Variants in PSTPIP1 observed in about 807,000 individuals in gnomAD.
PSTPIP1 encodes the protein proline-serine-threonine phosphatase-interacting protein 1.
In PSTPIP1, 66 loss-of-function variants were observed where a neutral mutation model predicts 69.6. That is an observed-to-expected ratio of 0.95 (90% confidence interval 0.78 to 1.16). The LOEUF (loss-of-function observed/expected upper bound fraction) is 1.16. Among genes scored for constraint, PSTPIP1 ranks in the 50% most tolerant of loss-of-function variants. The pLI, the probability that PSTPIP1 is intolerant of heterozygous loss-of-function variation, is 0.00. For synonymous variants in PSTPIP1, 266 were observed against 222.7 expected (o/e 1.19, Z -1.73); for missense variants, 603 against 557.4 (o/e 1.08, Z -0.82).
At chr15:77,020,629 G>A (rs986466317) in intron 3 of PSTPIP1, among the ~76,000 whole-genome samples, 2 of 152,158 alleles carry the variant, frequency 1.3e-5, no homozygotes, top group Non-Finnish European at 2.9e-5. Context: ...AAAGGGCTTT[G>A]CCATTCCTTA....
chr15:77,012,112 GCCATCCATCCAT>G (rs566088503), intron 1 of PSTPIP1, among the ~76,000 whole-genome samples: 93 of 88,550 alleles, frequency 1.1e-3, no homozygotes, highest in African/African-American at 2.6e-3. Context: ...GAGGGCTCTG[GCCATCCATCCAT>G]CCATCCATCC....
chr15:77,006,014 C>T (rs558493092), intron 1 of PSTPIP1, among the ~76,000 whole-genome samples: 39 of 152,294 alleles, frequency 2.6e-4, no homozygotes, highest in African/African-American at 9.1e-4. Flanking sequence ...AGTGGAATTG[C>T]TGGATCATAT....
intron 12 of PSTPIP1, among the ~76,000 whole-genome samples, chr15:77,033,545 G>C (rs923020072): frequency 5.3e-5 from 8 of 152,156 alleles, no homozygotes; most frequent in African/African-American, 1.9e-4. Context: ...GGGAGCCCTC[G>C]TAGCCAGGCC....
intron 8 of PSTPIP1, 110 bp downstream of exon 8, chr15:77,029,684 T>G: frequency 7.9e-7 from 1 of 1,261,604 alleles, no homozygotes; most frequent in Non-Finnish European, 1.1e-6. Context: ...TGCACAATCA[T>G]GGGCGCGGCG....
intron 7 of PSTPIP1, 37 bp from the exon 8 acceptor site, chr15:77,029,492 G>A (rs1425421135): frequency 1.3e-6 from 2 of 1,558,214 alleles, no homozygotes; most frequent in Non-Finnish European, 1.7e-6. Flanking sequence ...GGCTCCTGGG[G>A]CAGGGGCTTA....
intron 3 of PSTPIP1, chr15:77,024,117 C>A (rs1444556222): frequency 1.3e-5 from 2 of 152,274 alleles, no homozygotes; most frequent in African/African-American, 4.8e-5. Context: ...GCAGTTCTGA[C>A]GTCTGGATGG....
At chr15:77,004,159 A>T (rs2075769618) in intron 1 of PSTPIP1, among the ~76,000 whole-genome samples, 1 of 152,216 alleles carries the variant, frequency 6.6e-6, no homozygotes, top group Non-Finnish European at 1.5e-5. Flanking sequence ...GGCCTGGGGG[A>T]TGCCACACAG....
chr15:77,034,327 CGT>C (rs1334600232), intron 12 of PSTPIP1, among the ~76,000 whole-genome samples: 4 of 152,158 alleles, frequency 2.6e-5, no homozygotes, highest in African/African-American at 9.7e-5. Flanking sequence ...GGAGCTGGCA[CGT>C]GTGTCTGCCC....
At chr15:77,028,061 C>A in intron 6 of PSTPIP1, 147 bp downstream of exon 6, 1 of 775,084 alleles carries the variant, frequency 1.3e-6, no homozygotes, top group Non-Finnish European at 2.1e-6. Flanking sequence ...GGCGCACCAG[C>A]CTGCGGGGCG....
intron 1 of PSTPIP1, among the ~76,000 whole-genome samples, chr15:77,008,632 A>G (rs2075869246): frequency 6.6e-6 from 1 of 151,916 alleles, no homozygotes; most frequent in Non-Finnish European, 1.5e-5. Flanking sequence ...CTTGTCTCGC[A>G]CTCCTGACCT....
At chr15:77,000,398 A>G (rs2075673678) in intron 1 of PSTPIP1, among the ~76,000 whole-genome samples, 1 of 151,722 alleles carries the variant, frequency 6.6e-6, no homozygotes, top group African/African-American at 2.4e-5. Flanking sequence ...ACCATGGCCC[A>G]GGGGCATCAG....
At chr15:77,012,133 CCATCCATCCATCCATCCATCCAT>C in intron 1 of PSTPIP1, among the ~76,000 whole-genome samples, 1 of 118,750 alleles carries the variant, frequency 8.4e-6, no homozygotes, top group South Asian at 3.2e-4. Flanking sequence ...ATCCATCCAT[CCATCCATCCATCCATCCATCCAT>C]CCACCCACCC....
chr15:76,996,426 G>A (rs1008729293), intron 1 of PSTPIP1, among the ~76,000 whole-genome samples: 1 of 152,188 alleles, frequency 6.6e-6, no homozygotes, highest in Non-Finnish European at 1.5e-5. Context: ...CAGGGCTCTG[G>A]GGAAAAACTG....
rs1414419673 is a variant in PSTPIP1 at position 77,031,259 on chromosome 15, A to T, written c.722A>T (p.Gln241Leu). ...GTGCACAGCAACCAGCTCTCCATGC[A>T]GTGTGTCAAGGATGATGAGGTGGGG... is the stretch of plus-strand genomic sequence containing the variant. ...LWVHSNQLSM[Q>L]CVKDDELYEE... Residue 241 changes from glutamine (Q) to leucine (L), a missense_variant, in exon 10 of 15, where the codon CAG becomes CTG. By Grantham distance (113) the Gln-to-Leu change is moderately radical (BLOSUM62 -2). Transcript: ENST00000558012. The T allele has an allele frequency of 6.2e-7, 1 of 1,612,818 alleles. No individual in the cohort carries two copies. The highest frequency in any genetic ancestry group is 8.5e-7 in the Non-Finnish European group (1 of 1,179,512).
At chr15:77,034,674 C>T (rs1470261287) in intron 12 of PSTPIP1, among the ~76,000 whole-genome samples, 1 of 152,186 alleles carries the variant, frequency 6.6e-6, no homozygotes, top group Non-Finnish European at 1.5e-5. Flanking sequence ...CAGTGCCTCG[C>T]TCCCCCTTCT....
In PSTPIP1 at chr15:77,027,649, C is replaced by G; in HGVS notation, c.355-203C>G. The G allele has an allele frequency of 4.6e-6, 3 of 658,102 alleles. No individual in the cohort carries two copies. The highest frequency in any genetic ancestry group is 8.4e-6 in the Non-Finnish European group (3 of 358,864). 40.8% of individuals were successfully genotyped at this position (658,102 alleles called of 1,614,324 possible). On this transcript the variant is annotated intron_variant, in intron 5 of 14. Coordinates refer to ENST00000558012, the MANE Select transcript of PSTPIP1 (RefSeq NM_003978.5). This position sits in a 1 kb window ranked among gnomAD's most constrained non-coding sequence, Gnocchi z 4.3. ...TCTGCAGCAAGGACCTCACGGCACA[C>G]CCATGCCCTGTGATTCTCTGTGGCC... is the stretch of plus-strand genomic sequence containing the variant.
chr15:76,995,680 G>A, intron 1 of PSTPIP1, 71 bp downstream of exon 1: 4 of 1,608,856 alleles, frequency 2.5e-6, no homozygotes, highest in Non-Finnish European at 3.4e-6. Flanking sequence ...CCATGCAGGT[G>A]ATGGGATGCG....
In PSTPIP1 at chr15:77,028,552, A is replaced by C. The variant is rs1207237712; in HGVS notation, c.418-2A>C. On this transcript the variant is annotated splice_acceptor_variant, in intron 6 of 14. Transcript: ENST00000558012. LOFTEE classifies it high-confidence loss of function. ...CCAAGTCACGCCCCTCCACACCCCC[A>C]GTCCAAGAAGACATACGAGCAGAAG... 2 of 1,597,804 alleles carry C rather than the reference A, an allele frequency of 1.3e-6. No individual in the cohort carries two copies. The highest frequency in any genetic ancestry group is 2.3e-5 in the South Asian group (2 of 88,514).
At position 77,024,591 on chromosome 15, in the gene PSTPIP1, C is replaced by T. The variant is rs1409461233; in HGVS notation, c.213-693C>T. Among the ~76,000 whole-genome samples the T allele has an allele frequency of 2.6e-5, 4 of 152,216 alleles. No individual in the cohort carries two copies. The East Asian group carries it at 7.7e-4, about 29-fold the overall frequency. Reference sequence around the variant, plus strand: ...TAAAAATAAAAGTCCGTTTTAAATACTACAAGGGGCATACTATACTCAAAA... The same window carrying T: ...TAAAAATAAAAGTCCGTTTTAAATATTACAAGGGGCATACTATACTCAAAA... On this transcript the variant is annotated intron_variant, in intron 3 of 14. Coordinates refer to ENST00000558012, the MANE Select transcript of PSTPIP1 (RefSeq NM_003978.5).
Sources: allele counts gnomAD v4.1 joint callset (sites outside exome capture counted in the v4.1 genomes callset), GRCh38; gene constraint gnomAD v4.1.1; non-coding constraint Gnocchi (gnomAD v3.1); transcripts MANE v1.5; gene names NCBI Gene and HGNC (gene_info 2026-07-23, HGNC 2026-07-21).